CFAP99: variants seen among roughly 807,000 people sequenced by gnomAD.
The protein encoded by CFAP99 is cilia- and flagella-associated protein 99.
Under a neutral mutation model 82.7 loss-of-function variants are expected in CFAP99, and 84 were observed. The ratio of observed to expected loss-of-function variants is 1.02; its 90% confidence interval spans 0.85 to 1.22. The LOEUF (loss-of-function observed/expected upper bound fraction) is 1.22. CFAP99 is among the 50% of genes most tolerant of loss of function. The pLI, the probability that CFAP99 is intolerant of heterozygous loss-of-function variation, is 0.00. For synonymous variants in CFAP99, 456 were observed against 429.5 expected, an observed-to-expected ratio of 1.06 and a Z score of -0.76; for missense variants, 1,059 against 983.5, an observed-to-expected ratio of 1.08 and a Z score of -1.03.
At chr4:2,451,110 TG>T in intron 9 of CFAP99, 92 bp downstream of exon 9, 1 of 1,455,234 alleles carries the variant, frequency 6.9e-7, no homozygotes, top group Non-Finnish European at 9.3e-7. Context: ...TGACCTGAGC[TG>T]GGGGACCTAG....
intron 11 of CFAP99, among the ~76,000 whole-genome samples, chr4:2,454,581 C>CTTTTTTTTTTTT (rs200727697): frequency 1.7e-4 from 16 of 94,710 alleles, no homozygotes; most frequent in East Asian, 2.7e-4. Flanking sequence ...TGTTTTTTTT[C>CTTTTTTTTTTTT]TTTTTTTTTT....
intron 14 of CFAP99, 61 bp downstream of exon 14, chr4:2,460,303 C>T (rs1734591421): frequency 6.9e-7 from 1 of 1,438,952 alleles, no homozygotes. Context: ...GTAAGCCTGC[C>T]TTGCACCCTC....
chr4:2,459,902 C>T, intron 13 of CFAP99, 135 bp from the exon 14 acceptor site: 1 of 747,748 alleles, frequency 1.3e-6, no homozygotes, highest in Non-Finnish European at 2.2e-6. Context: ...AGGCTGGGGG[C>T]ATGTTTCATA....
chr4:2,458,836 G>GAAGCTCGTGAAGGGCCGACAGCAGACA, exon 12 of CFAP99: 2 of 1,535,716 alleles, frequency 1.3e-6, no homozygotes, highest in South Asian at 2.4e-5. Context: ...CGGCCCAGAC[G>GAAGCTCGTGAAGGGCCGACAGCAGACA]AAGCTCGCGA....
At chr4:2,459,236 G>A (rs1734517123) in exon 13 of CFAP99, 1 of 1,534,998 alleles carries the variant, frequency 6.5e-7, no homozygotes, top group Non-Finnish European at 8.7e-7. Flanking sequence ...ACGCGCAAGG[G>A]CAAGCTCGTG....
exon 3 of CFAP99, chr4:2,436,907 G>A (rs1217470951): frequency 1.3e-6 from 2 of 1,536,050 alleles, no homozygotes; most frequent in South Asian, 1.2e-5. Flanking sequence ...CTTTGTTTTG[G>A]AGGTTCTGTC....
chr4:2,462,488 G>A lies in CFAP99; in HGVS notation c.1707G>A (p.Ser569=), dbSNP rs1734644680. The stretch of plus-strand genomic sequence containing the variant: ...TTGCGGCGGCCCCGGCGGCGCCCTC[G>A]CAGGACGAGCGCGTGCAGCAGCTGC... The change falls in exon 15 of 15, where the codon TCG becomes TCA. Residue 569 remains serine, a synonymous_variant. Transcript: ENST00000635017. The surrounding 1 kb of genome is among the most constrained non-coding windows in gnomAD (Gnocchi z 4.1). 1.2e-5 allele frequency: 17 copies of A among 1,474,850 alleles called. No homozygotes were observed. The East Asian group carries it at 1.2e-4, about 10-fold the overall frequency. The allele number at this position is 1,474,850 out of a possible 1,614,324, so 91.4% of individuals were successfully genotyped here.
Position 2,452,351 on chromosome 4 carries a change from G to C in CFAP99, c.1161+5G>C. The C allele has an allele frequency of 6.5e-7, 1 of 1,533,522 alleles. No homozygotes were observed. Among genetic ancestry groups the C allele is most frequent in the Non-Finnish European group, 8.7e-7 (1 of 1,146,212 alleles). The allele number at this position is 1,533,522 out of a possible 1,614,324, so 95.0% of individuals were successfully genotyped here. On this transcript the variant is annotated splice_donor_5th_base_variant and intron_variant, in intron 11 of 14. Coordinates refer to ENST00000635017, the Ensembl canonical transcript of CFAP99. Reference sequence around the variant, plus strand: ...GTGGAGCAGCAGAAGGAGCAGGTGGGTGCCATGCAGGGCAGCTGGGCATGG... The same window carrying C: ...GTGGAGCAGCAGAAGGAGCAGGTGGCTGCCATGCAGGGCAGCTGGGCATGG...
chr4:2,454,594 G>GTTTTTTTTTTT, intron 11 of CFAP99, among the ~76,000 whole-genome samples: 1 of 84,538 alleles, frequency 1.2e-5, no homozygotes, highest in Non-Finnish European at 2.5e-5. Flanking sequence ...TTTTTTTTTT[G>GTTTTTTTTTTT]TTTTTTTTTT....
At chr4:2,425,741 A>G (rs1205242288) in intron 1 of CFAP99, among the ~76,000 whole-genome samples, 1 of 152,040 alleles carries the variant, frequency 6.6e-6, no homozygotes, top group Non-Finnish European at 1.5e-5. Flanking sequence ...TGGGGGCCAC[A>G]TGTTGTCCTT....
At chr4:2,458,574 T>A (rs28517366) in intron 11 of CFAP99, 149 bp from the exon 12 acceptor site, 6 of 923,508 alleles carry the variant, frequency 6.5e-6, no homozygotes, top group Non-Finnish European at 9.0e-6. Context: ...CCGCCAGGAG[T>A]GAATGGGCTT....
chr4:2,452,404 G>A (rs1003983029), intron 11 of CFAP99, 58 bp downstream of exon 11: 13 of 1,497,996 alleles, frequency 8.7e-6, no homozygotes, highest in African/African-American at 2.8e-5. Context: ...TGTGCCCACC[G>A]GGAGCTGCAG....
chr4:2,442,072 C>A (rs1010111082), intron 4 of CFAP99, among the ~76,000 whole-genome samples: 32 of 152,192 alleles, frequency 2.1e-4, no homozygotes, highest in African/African-American at 7.7e-4. Flanking sequence ...CCCACCACAC[C>A]CCAGTGAGGA....
intron 9 of CFAP99, 69 bp downstream of exon 9, chr4:2,451,087 G>T: frequency 6.7e-7 from 1 of 1,494,624 alleles, no homozygotes; most frequent in Non-Finnish European, 9.0e-7. Context: ...TTTTCTGCCC[G>T]TAGAGGCTCA....
In CFAP99 at chr4:2,451,372, C is replaced by T. The variant is rs1455234944; in HGVS notation, c.956+20C>T. 6.5e-7 allele frequency: 1 copy of T among 1,532,914 alleles called. No homozygotes were observed. The highest frequency in any genetic ancestry group is 2.0e-5 in the Admixed American group (1 of 50,952). The allele number at this position is 1,532,914 out of a possible 1,614,324, so 95.0% of individuals were successfully genotyped here. A position where few individuals can be genotyped will look rare whatever the true frequency, so the allele number is the denominator to read the frequency against. ...GCAGAGGTGAAGGGCGGCAGGCCCC[C>T]CCACCTGCCTTCCACGGCATCACCC... On this transcript the variant is annotated intron_variant, in intron 10 of 14. Coordinates refer to ENST00000635017, the Ensembl canonical transcript of CFAP99.
chr4:2,433,931 T>G (rs1733853100), intron 2 of CFAP99, among the ~76,000 whole-genome samples: 1 of 152,010 alleles, frequency 6.6e-6, no homozygotes, highest in Admixed American at 6.6e-5. Context: ...CTGGCCACGG[T>G]GAGGAAGGAC....
At chr4:2,423,258 G>A (rs149552065) in intron 1 of CFAP99, among the ~76,000 whole-genome samples, 39 of 152,298 alleles carry the variant, frequency 2.6e-4, no homozygotes, top group Admixed American at 6.5e-4. Flanking sequence ...TGGCCACCAC[G>A]CCCACACTGC....
intron 3 of CFAP99, among the ~76,000 whole-genome samples, chr4:2,437,612 C>G (rs1341066988): frequency 6.6e-6 from 1 of 152,164 alleles, no homozygotes; most frequent in Non-Finnish European, 1.5e-5. Context: ...GATGCCAGTC[C>G]TGAGCTAGGC....
At chr4:2,458,580 G>T in intron 11 of CFAP99, 143 bp from the exon 12 acceptor site, 3 of 1,056,980 alleles carry the variant, frequency 2.8e-6, no homozygotes, top group Non-Finnish European at 3.9e-6. Flanking sequence ...GGAGTGAATG[G>T]GCTTAGACCT....
Sources: gnomAD v4.1 joint callset for allele counts (sites outside exome capture counted in the v4.1 genomes callset) on GRCh38, gnomAD v4.1.1 for gene constraint, Gnocchi (gnomAD v3.1) non-coding constraint, MANE v1.5 for transcripts, NCBI Gene and HGNC (gene_info 2026-07-23, HGNC 2026-07-21) for gene names.